RNF216: variants seen among roughly 807,000 people sequenced by gnomAD.
RNF216 encodes ring finger protein 216.
A neutral mutation model predicts 110.8 loss-of-function variants in RNF216; 72 were observed. The ratio of observed to expected loss-of-function variants is 0.65; its 90% confidence interval spans 0.54 to 0.79. RNF216 has a LOEUF of 0.79. RNF216 is among the 30% of genes least tolerant of loss of function. RNF216 has a pLI of 0.00. For missense variants in RNF216, 1,342 were observed against 1,141.2 expected, an observed-to-expected ratio of 1.18 and a Z score of -2.54; for synonymous variants, 495 against 407.5, an observed-to-expected ratio of 1.21 and a Z score of -2.59.
chr7:5,688,512 A>G (rs148626128), intron 13 of RNF216, among the ~76,000 whole-genome samples: 19 of 152,376 alleles, frequency 1.2e-4, no homozygotes, highest in African/African-American at 3.6e-4. Context: ...ACAAAAAGCA[A>G]AAACTCCCCT....
chr7:5,671,805 C>CAAAAAAAAAAAA lies in RNF216; in HGVS notation c.2062-19307_2062-19296dup, dbSNP rs11319565. The stretch of plus-strand genomic sequence containing the variant: ...GAGCAAAGAGACCAAAACTCCGTCT[C>CAAAAAAAAAAAA]AAAAAAAAAAAAAAAAAAAAAAAAG... On this transcript the variant is annotated intron_variant, in intron 13 of 16. Transcript: ENST00000389902. 3.0e-4 allele frequency among the ~76,000 whole-genome samples: 16 copies of CAAAAAAAAAAAA among 54,218 alleles called. 1 individual carries two copies. The highest frequency in any genetic ancestry group is 9.7e-4 in the African/African-American group (12 of 12,380). The allele number at this position is 54,218 out of a possible 152,430, so 35.6% of individuals were successfully genotyped here.
chr7:5,687,366 C>A (rs1168803082), intron 13 of RNF216, among the ~76,000 whole-genome samples: 1 of 138,530 alleles, frequency 7.2e-6, no homozygotes, highest in Non-Finnish European at 1.5e-5. Flanking sequence ...ACTGCTCCAT[C>A]CTGGGCAACA....
At chr7:5,734,254 G>A (rs1166627250) in intron 5 of RNF216, among the ~76,000 whole-genome samples, 1 of 151,920 alleles carries the variant, frequency 6.6e-6, no homozygotes, top group Non-Finnish European at 1.5e-5. Context: ...TGGTATAAAT[G>A]GAATACCATT....
chr7:5,736,145 C>T (rs1342845792), intron 5 of RNF216, among the ~76,000 whole-genome samples: 1 of 150,184 alleles, frequency 6.7e-6, no homozygotes, highest in South Asian at 2.1e-4. Context: ...GTCCCTCTCC[C>T]CACAGTCTCC....
At chr7:5,725,841 C>CAA (rs756914396) in intron 7 of RNF216, among the ~76,000 whole-genome samples, 117 of 77,080 alleles carry the variant, frequency 1.5e-3, no homozygotes, top group Admixed American at 3.4e-3. Flanking sequence ...CCAGCCTGGG[C>CAA]AAAAAAAAAA....
At chr7:5,637,922 T>G (rs1452756784) in intron 15 of RNF216, among the ~76,000 whole-genome samples, 1 of 152,226 alleles carries the variant, frequency 6.6e-6, no homozygotes, top group Non-Finnish European at 1.5e-5. Context: ...CTTGGCTCAC[T>G]GCAATCTCTG....
At chr7:5,772,634 T>C (rs1316631997) in intron 1 of RNF216, among the ~76,000 whole-genome samples, 1 of 152,150 alleles carries the variant, frequency 6.6e-6, no homozygotes, top group Admixed American at 6.6e-5. Context: ...TACAAAGAGT[T>C]AATAGTCAAA....
At chr7:5,710,277 T>C (rs142903608) in intron 13 of RNF216, among the ~76,000 whole-genome samples, 3,185 of 152,120 alleles carry the variant, frequency 0.021, 90 homozygotes, top group African/African-American at 0.072. Flanking sequence ...GGAGAACTGC[T>C]TGAAGCCAGG....
At chr7:5,709,181 C>G (rs2128627042) in intron 13 of RNF216, among the ~76,000 whole-genome samples, 1 of 152,266 alleles carries the variant, frequency 6.6e-6, no homozygotes, top group East Asian at 1.9e-4. Flanking sequence ...TCAGAGGTCC[C>G]CAACCTGGTG....
At chr7:5,769,995 C>A (rs937544724) in intron 1 of RNF216, among the ~76,000 whole-genome samples, 4 of 119,990 alleles carry the variant, frequency 3.3e-5, no homozygotes, top group African/African-American at 1.0e-4. Flanking sequence ...CACTGTACTC[C>A]AACCTGGCTG....
At chr7:5,744,896 T>C (rs889422746) in intron 3 of RNF216, among the ~76,000 whole-genome samples, 2 of 151,510 alleles carry the variant, frequency 1.3e-5, no homozygotes, top group African/African-American at 4.9e-5. Context: ...CACTTGAACC[T>C]GGGAGGCAGA....
chr7:5,763,557 T>G (rs1282446516), intron 1 of RNF216, among the ~76,000 whole-genome samples: 4 of 151,556 alleles, frequency 2.6e-5, no homozygotes, highest in African/African-American at 7.3e-5. Context: ...TTGAACCCAG[T>G]AGGAGGAGGT....
chr7:5,744,314 G>A (rs946419792), intron 3 of RNF216, among the ~76,000 whole-genome samples: 1 of 152,194 alleles, frequency 6.6e-6, no homozygotes, highest in Non-Finnish European at 1.5e-5. Flanking sequence ...TTGAAAGCCA[G>A]GTCAGAATAG....
intron 13 of RNF216, among the ~76,000 whole-genome samples, chr7:5,660,814 C>T (rs1230256697): frequency 6.6e-6 from 1 of 151,878 alleles, no homozygotes; most frequent in Admixed American, 6.6e-5. Flanking sequence ...AAGCAATCCG[C>T]AAGCTTCAGC....
intron 7 of RNF216, among the ~76,000 whole-genome samples, chr7:5,727,460 G>A (rs1283763645): frequency 6.6e-6 from 1 of 152,182 alleles, no homozygotes; most frequent in Non-Finnish European, 1.5e-5. Flanking sequence ...AACATAGGCT[G>A]GGCATGGTGG....
chr7:5,710,280 A>C (rs1171431356), intron 13 of RNF216, among the ~76,000 whole-genome samples: 1 of 152,116 alleles, frequency 6.6e-6, no homozygotes, highest in Non-Finnish European at 1.5e-5. Context: ...GAACTGCTTG[A>C]AGCCAGGAGG....
chr7:5,671,209 G>C (rs371531838), intron 13 of RNF216, among the ~76,000 whole-genome samples: 37 of 152,304 alleles, frequency 2.4e-4, no homozygotes, highest in African/African-American at 8.7e-4. Context: ...AAATCCTGAT[G>C]AACACAGAGG....
At chr7:5,649,716 A>G (rs1212466151) in intron 14 of RNF216, 1 of 152,074 alleles carries the variant, frequency 6.6e-6, no homozygotes, top group Non-Finnish European at 1.5e-5. Context: ...ATTCTTTCAC[A>G]TCTCTTTTTA....
chr7:5,716,685 C>A, intron 10 of RNF216, 31 bp downstream of exon 10: 2 of 1,545,114 alleles, frequency 1.3e-6, no homozygotes, highest in Non-Finnish European at 1.8e-6. Flanking sequence ...ATGAAAATGC[C>A]CAGAATAAAC....
Sources: gnomAD v4.1 joint callset for allele counts (sites outside exome capture counted in the v4.1 genomes callset) on GRCh38, gnomAD v4.1.1 for gene constraint, MANE v1.5 for transcripts, NCBI Gene and HGNC (gene_info 2026-07-23, HGNC 2026-07-21) for gene names.